Variants in OXR1 observed in about 807,000 individuals in gnomAD.
The protein encoded by OXR1 is oxidation resistance protein 1.
A neutral mutation model predicts 104.6 loss-of-function variants in OXR1; 41 were observed. That is an observed-to-expected ratio of 0.39 (90% CI 0.31 to 0.51). The LOEUF (loss-of-function observed/expected upper bound fraction) is 0.51. Among genes scored for constraint, OXR1 ranks in the 20% least tolerant of loss-of-function variants. OXR1 has a pLI of 0.77. For synonymous variants in OXR1, 348 were observed against 348.4 expected (o/e 1.00, Z 0.01); for missense variants, 955 against 1,031.9 (o/e 0.93, Z 1.02).
At chr8:106,686,679 A>G (rs3102434) in intron 6 of OXR1, among the ~76,000 whole-genome samples, 44,752 of 152,022 alleles carry the variant, frequency 0.29, 8,478 homozygotes, top group African/African-American at 0.54. Context: ...GTCAGTTTAT[A>G]TTACCAGCAA....
At chr8:106,278,273 A>G (rs115839628) in intron 1 of OXR1, among the ~76,000 whole-genome samples, 1 of 152,168 alleles carries the variant, frequency 6.6e-6, no homozygotes, top group Non-Finnish European at 1.5e-5. Flanking sequence ...CTTACATTAG[A>G]TACTAGGTAG....
At chr8:106,611,502 G>A (rs1188354440) in intron 3 of OXR1, among the ~76,000 whole-genome samples, 3 of 152,182 alleles carry the variant, frequency 2.0e-5, no homozygotes, top group Non-Finnish European at 4.4e-5. Context: ...AAGGGTGATC[G>A]AAAGAGAGCA....
At chr8:106,716,898 C>T (rs1176429433) in intron 11 of OXR1, among the ~76,000 whole-genome samples, 1 of 151,754 alleles carries the variant, frequency 6.6e-6, no homozygotes, top group Non-Finnish European at 1.5e-5. Context: ...ATACTAAGTG[C>T]CTAAAAAAAT....
rs1202581690 is a variant in OXR1, at chr8:106,751,905, T to C, written c.*964T>C. ...GTGATTTTCTTTGAGTGGTATATGT[T>C]ATTAATTACCATTAGCATTTGCTCT... is the stretch of plus-strand genomic sequence containing the variant. On this transcript the variant is annotated 3_prime_UTR_variant, in exon 17 of 17. Coordinates refer to ENST00000517566, the MANE Select transcript of OXR1 (RefSeq NM_001198533.2). 6.6e-6 allele frequency: 1 copy of C among 152,462 alleles called. No individual in the cohort carries two copies. Among genetic ancestry groups the C allele is most frequent in the Non-Finnish European group, 1.5e-5 (1 of 67,952 alleles). The allele number at this position is 152,462 out of a possible 1,614,324, so 9.4% of individuals were successfully genotyped here. A position where few individuals can be genotyped will look rare whatever the true frequency, so the allele number is the denominator to read the frequency against.
intron 1 of OXR1, among the ~76,000 whole-genome samples, chr8:106,307,123 A>G (rs1488724719): frequency 6.6e-6 from 1 of 152,190 alleles, no homozygotes; most frequent in African/African-American, 2.4e-5. Context: ...AAGAAACAGC[A>G]TTTTATTCAG....
At chr8:106,616,605 C>T (rs1423953241) in intron 3 of OXR1, among the ~76,000 whole-genome samples, 1 of 152,150 alleles carries the variant, frequency 6.6e-6, no homozygotes, top group Non-Finnish European at 1.5e-5. Flanking sequence ...ATGTACTTTA[C>T]TAGTCAATGA....
At chr8:106,354,365 C>T (rs1815869648) in intron 1 of OXR1, among the ~76,000 whole-genome samples, 2 of 152,168 alleles carry the variant, frequency 1.3e-5, no homozygotes, top group South Asian at 4.1e-4. Context: ...GTCTTCTCTT[C>T]ATACCTCATG....
chr8:106,708,261 T>G (rs1014411113), intron 9 of OXR1, among the ~76,000 whole-genome samples: 1 of 151,964 alleles, frequency 6.6e-6, no homozygotes, highest in African/African-American at 2.4e-5. Flanking sequence ...TCAGACATGG[T>G]GATGGTGCAC....
At chr8:106,702,171 G>A (rs531390760) in intron 7 of OXR1, among the ~76,000 whole-genome samples, 139 of 152,246 alleles carry the variant, frequency 9.1e-4, no homozygotes, top group African/African-American at 3.1e-3. Context: ...GTTTCACCAT[G>A]TTGGCCAGGA....
At chr8:106,362,756 G>A (rs1251889749) in intron 2 of OXR1, among the ~76,000 whole-genome samples, 2 of 152,204 alleles carry the variant, frequency 1.3e-5, no homozygotes, top group African/African-American at 4.8e-5. Flanking sequence ...TAAGTGACAG[G>A]TTCCAGGCTA....
chr8:106,694,740 ATATT>A (rs1362255180), intron 7 of OXR1, among the ~76,000 whole-genome samples: 1 of 116,400 alleles, frequency 8.6e-6, no homozygotes, highest in Non-Finnish European at 1.6e-5. Flanking sequence ...ATTTATATAT[ATATT>A]TATATATTAA....
chr8:106,537,646 C>T (rs546157510), intron 3 of OXR1, among the ~76,000 whole-genome samples: 47 of 151,480 alleles, frequency 3.1e-4, no homozygotes, highest in African/African-American at 1.1e-3. Context: ...GAAACCTGCA[C>T]ATTGTGCATA....
At chr8:106,712,115 A>T (rs1022549520) in intron 10 of OXR1, among the ~76,000 whole-genome samples, 3 of 152,114 alleles carry the variant, frequency 2.0e-5, no homozygotes, top group African/African-American at 7.2e-5. Context: ...AGCTTTGTTC[A>T]TAGAAAAGTC....
At chr8:106,361,109 G>T (rs1816226845) in intron 2 of OXR1, among the ~76,000 whole-genome samples, 2 of 152,200 alleles carry the variant, frequency 1.3e-5, no homozygotes, top group South Asian at 2.1e-4. Context: ...CAAAGAGAGA[G>T]ACTGCATGTC....
intron 2 of OXR1, among the ~76,000 whole-genome samples, chr8:106,386,744 GT>G (rs1377969659): frequency 6.6e-6 from 1 of 152,220 alleles, no homozygotes; most frequent in African/African-American, 2.4e-5. Context: ...AGGGCAGGAT[GT>G]TTTGGAAACA....
intron 3 of OXR1, chr8:106,657,857 T>G: frequency 8.1e-7 from 1 of 1,240,644 alleles, no homozygotes; most frequent in Non-Finnish European, 1.0e-6. Context: ...CCTCCCCGCC[T>G]CTTGTGAGGC....
intron 3 of OXR1, chr8:106,657,691 G>A (rs1401440604): frequency 5.7e-6 from 2 of 349,762 alleles, no homozygotes; most frequent in Non-Finnish European, 9.0e-6. Flanking sequence ...ATCGGTTCCA[G>A]GAAGAATACA....
chr8:106,705,741 T>A (rs1831083194), intron 8 of OXR1, among the ~76,000 whole-genome samples: 1 of 152,178 alleles, frequency 6.6e-6, no homozygotes, highest in Non-Finnish European at 1.5e-5. Context: ...CTAGACCCAG[T>A]TATGAACCAT....
At chr8:106,694,053 G>A (rs1049394249) in intron 7 of OXR1, among the ~76,000 whole-genome samples, 9 of 151,988 alleles carry the variant, frequency 5.9e-5, no homozygotes, top group South Asian at 2.1e-4. Context: ...CCATTTGAGA[G>A]TGTTTTATTT....
Sources: allele counts gnomAD v4.1 joint callset (sites outside exome capture counted in the v4.1 genomes callset), GRCh38; gene constraint gnomAD v4.1.1; transcripts MANE v1.5; gene names NCBI Gene and HGNC (gene_info 2026-07-23, HGNC 2026-07-21).